The following PNPT1 variants were observed in gnomAD, a reference collection of about 807,000 sequenced individuals.
PNPT1 encodes the protein polyribonucleotide nucleotidyltransferase 1, mitochondrial.
A neutral mutation model predicts 119.5 loss-of-function variants in PNPT1; 53 were observed. That is an observed-to-expected ratio of 0.44 (90% CI 0.36 to 0.56). The LOEUF (loss-of-function observed/expected upper bound fraction) is 0.56. Ranked by LOEUF, PNPT1 falls within the 20% of genes least tolerant of loss-of-function variation. PNPT1 has a pLI of 0.00. For missense variants in PNPT1, 948 were observed against 938.5 expected (o/e 1.01, Z -0.13); for synonymous variants, 357 against 322.1 (o/e 1.11, Z -1.16).
chr2:55,656,240 A>G lies in PNPT1; in HGVS notation c.1352-20T>C. The G allele has an allele frequency of 4.3e-6, 7 of 1,612,402 alleles. No individual in the cohort carries two copies. The highest frequency in any genetic ancestry group is 5.9e-6 in the Non-Finnish European group (7 of 1,179,002). ...GAGCACCTAAATTAGAATAGAAAAC[A>G]ATAAGTAAAAAATGTATTAAGTCTC... On this transcript the variant is annotated intron_variant, in intron 16 of 27. Transcript: ENST00000447944.
intron 7 of PNPT1, 58 bp from the exon 8 acceptor site, chr2:55,679,853 T>A (rs1697191168): frequency 8.4e-7 from 1 of 1,184,622 alleles, no homozygotes; most frequent in East Asian, 2.4e-5. Context: ...TTTCAAGACA[T>A]TATTCCAGTC....
chr2:55,671,486 T>C, intron 10 of PNPT1, 110 bp from the exon 11 acceptor site: 1 of 600,752 alleles, frequency 1.7e-6, no homozygotes, highest in Non-Finnish European at 2.7e-6. Flanking sequence ...ATTTCTTTAA[T>C]ATTCTTTAAA....
intron 15 of PNPT1, among the ~76,000 whole-genome samples, chr2:55,658,606 C>T (rs1696464815): frequency 6.6e-6 from 1 of 152,120 alleles, no homozygotes; most frequent in Admixed American, 6.6e-5. Context: ...CCCTCCCCAA[C>T]CCCCTTACCC....
In PNPT1 at chr2:55,644,785, T is replaced by C. The variant is rs562102936; in HGVS notation, c.1823-65A>G. ...ACATACATGAACCTAAAACATGCCA[T>C]GGTCACTTGAGATTTTTTTTTTTTT... On this transcript the variant is annotated intron_variant, in intron 22 of 27. Coordinates refer to ENST00000447944, the MANE Select transcript of PNPT1 (RefSeq NM_033109.5). 73 of 1,173,006 alleles carry C rather than the reference T, an allele frequency of 6.2e-5. No homozygotes were observed. The African/African-American group carries it at 9.4e-4, about 15-fold the overall frequency. The allele number at this position is 1,173,006 out of a possible 1,614,324, so 72.7% of individuals were successfully genotyped here.
chr2:55,662,370 C>G (rs1174433520), intron 13 of PNPT1, among the ~76,000 whole-genome samples: 3 of 152,088 alleles, frequency 2.0e-5, no homozygotes, highest in Non-Finnish European at 4.4e-5. Context: ...AATACAACTG[C>G]CTGCTTAAAA....
chr2:55,681,929 C>G (rs1697261181), intron 5 of PNPT1, among the ~76,000 whole-genome samples: 1 of 151,390 alleles, frequency 6.6e-6, no homozygotes, highest in Non-Finnish European at 1.5e-5. Flanking sequence ...ATCACGGGGT[C>G]AGGAGATCAA....
chr2:55,685,280 C>A (rs1697367303), intron 3 of PNPT1, among the ~76,000 whole-genome samples: 1 of 152,200 alleles, frequency 6.6e-6, no homozygotes, highest in African/African-American at 2.4e-5. Flanking sequence ...AATCCCAGCA[C>A]TTTGGGAGGC....
Position 55,672,910 on chromosome 2 carries a change from A to T in PNPT1, c.849T>A (p.Ile283=), listed in dbSNP as rs1432551813. The change falls in exon 9 of 28, where the codon ATT becomes ATA. Residue 283 remains isoleucine, a synonymous_variant. Transcript: ENST00000447944. ...PQKLFTPSPE[I]VKYTHKLAME... ...GTTCTTACTTATGAGTATATTTCAC[A>T]ATCTCTGGCGAAGGGGTAAATAACT... 1 of 1,600,630 alleles carries T rather than the reference A, an allele frequency of 6.2e-7. No individual in the cohort carries two copies. Among genetic ancestry groups the T allele is most frequent in the South Asian group, 1.1e-5 (1 of 88,076 alleles).
At chr2:55,685,696 C>G (rs1697384981) in intron 3 of PNPT1, among the ~76,000 whole-genome samples, 1 of 152,174 alleles carries the variant, frequency 6.6e-6, no homozygotes, top group Non-Finnish European at 1.5e-5. Context: ...ATAAAATTCT[C>G]ATGAGCTCAT....
chr2:55,659,833 G>A (rs1279576403), intron 15 of PNPT1, among the ~76,000 whole-genome samples: 2 of 152,102 alleles, frequency 1.3e-5, no homozygotes, highest in Non-Finnish European at 2.9e-5. Context: ...CCCAGGTAGT[G>A]GATATATGGA....
chr2:55,666,965 T>G (rs374265337), intron 13 of PNPT1, 26 bp downstream of exon 13: 1 of 1,456,614 alleles, frequency 6.9e-7, no homozygotes, highest in Non-Finnish European at 9.3e-7. Context: ...ATTTAGCAAA[T>G]AATTAGAGCT....
At chr2:55,649,387 A>G (rs1447413756) in intron 18 of PNPT1, among the ~76,000 whole-genome samples, 1 of 152,244 alleles carries the variant, frequency 6.6e-6, no homozygotes, top group African/African-American at 2.4e-5. Flanking sequence ...TAAGACACTC[A>G]TGCCAGAATC....
rs1316456993 is a variant in PNPT1 at position 55,693,284 on chromosome 2, C to A, written c.161+379G>T. 2.6e-5 allele frequency among the ~76,000 whole-genome samples: 4 copies of A among 152,200 alleles called. No individual in the cohort carries two copies. In the South Asian group the frequency reaches 8.3e-4, roughly 32 times the overall value. On this transcript the variant is annotated intron_variant, in intron 1 of 27. Transcript: ENST00000447944. ...GTCCCAGCTCGAGGGGCATCAGAGC[C>A]CCAGCTTCCAGGGTCCGGGCCAGCA...
rs146633902 is a variant in PNPT1 at position 55,673,096 on chromosome 2, G to GA, written c.680-18dup. On this transcript the variant is annotated splice_polypyrimidine_tract_variant and intron_variant, in intron 8 of 27. Transcript: ENST00000447944. ...CCAACATGACTATTTAAAGGAAAAA[G>GA]AAAAAAAAAATGACTGCCATCGAAG... 0.11 allele frequency: 157,361 copies of GA among 1,373,668 alleles called. 4,044 individuals are homozygous for GA. The highest frequency in any genetic ancestry group is 0.15 in the South Asian group (9,683 of 65,464). 85.1% of individuals were successfully genotyped at this position (1,373,668 alleles called of 1,614,324 possible).
Position 55,672,053 on chromosome 2 carries a change from A to C in PNPT1, c.867-7T>G. On this transcript the variant is annotated splice_region_variant and splice_polypyrimidine_tract_variant and intron_variant, in intron 9 of 27. Coordinates refer to ENST00000447944, the MANE Select transcript of PNPT1 (RefSeq NM_033109.5). ...GAGTCTCTCCATAGCAAGTCTATTTAAGCAGAAAATAAATGTTAGCATAAT... is the reference window on the plus strand; with the variant it reads ...GAGTCTCTCCATAGCAAGTCTATTTCAGCAGAAAATAAATGTTAGCATAAT... The C allele has an allele frequency of 1.3e-6, 2 of 1,582,202 alleles. No homozygotes were observed. The highest frequency in any genetic ancestry group is 1.7e-6 in the Non-Finnish European group (2 of 1,163,774).
chr2:55,687,816 C>T (rs1697460991), intron 1 of PNPT1, 111 bp from the exon 2 acceptor site: 1 of 693,044 alleles, frequency 1.4e-6, no homozygotes, highest in Admixed American at 3.6e-5. Context: ...CCAACCCACC[C>T]ACTCCACCAA....
At chr2:55,665,566 G>T (rs1436945272) in intron 13 of PNPT1, among the ~76,000 whole-genome samples, 1 of 152,046 alleles carries the variant, frequency 6.6e-6, no homozygotes, top group South Asian at 2.1e-4. Flanking sequence ...AAGAAAAACT[G>T]GCCAAAGGAT....
Position 55,654,910 on chromosome 2 carries a change from T to C in PNPT1, c.1485A>G (p.Leu495=), listed in dbSNP as rs1295067385. 6 of 1,613,232 alleles carry C rather than the reference T, an allele frequency of 3.7e-6. No individual in the cohort carries two copies. Among genetic ancestry groups the C allele is most frequent in the Non-Finnish European group, 4.2e-6 (5 of 1,179,540 alleles). ...ACATAATTCTTTTACCTGAATCCAT[T>C]AATGCTAAACTTCCGCCACATGCAG... ...MASACGGSLA[L]MDSGVPISSA... Residue 495 remains leucine, a synonymous_variant, in exon 18 of 28, where the codon TTA becomes TTG. Transcript: ENST00000447944.
chr2:55,683,029 CAT>C (rs1364497276), intron 5 of PNPT1, among the ~76,000 whole-genome samples: 1 of 152,098 alleles, frequency 6.6e-6, no homozygotes, highest in Non-Finnish European at 1.5e-5. Context: ...GTATATGTGT[CAT>C]TATCCTGAAA....
Sources: allele counts gnomAD v4.1 joint callset (sites outside exome capture counted in the v4.1 genomes callset), GRCh38; gene constraint gnomAD v4.1.1; transcripts MANE v1.5; gene names NCBI Gene and HGNC (gene_info 2026-07-23, HGNC 2026-07-21).